The following MACROD2 variants were observed in gnomAD, a reference collection of about 807,000 sequenced individuals.
MACROD2 encodes mono-ADP ribosylhydrolase 2.
A neutral mutation model predicts 70.4 loss-of-function variants in MACROD2; 36 were observed. The ratio of observed to expected loss-of-function variants is 0.51; its 90% CI spans 0.39 to 0.68. The LOEUF (loss-of-function observed/expected upper bound fraction) is 0.68. Among genes scored for constraint, MACROD2 ranks in the 30% least tolerant of loss-of-function variants. MACROD2 has a pLI of 0.00. For synonymous variants in MACROD2, 172 were observed against 178.8 expected (o/e 0.96, Z 0.30); for missense variants, 496 against 538.4 (o/e 0.92, Z 0.78).
At chr20:14,417,066 CATCTATCT>C (rs11405633) in intron 3 of MACROD2, among the ~76,000 whole-genome samples, 14,249 of 132,492 alleles carry the variant, frequency 0.11, 748 homozygotes, top group Middle Eastern at 0.11. Context: ...ATCTATCTAT[CATCTATCT>C]ATCTATCTAT....
chr20:14,050,562 A>G (rs1276375881), intron 2 of MACROD2, among the ~76,000 whole-genome samples: 2 of 152,158 alleles, frequency 1.3e-5, no homozygotes, highest in Non-Finnish European at 2.9e-5. Context: ...AACACTATTC[A>G]CAAATTTGGC....
At position 14,327,584 on chromosome 20, in the gene MACROD2, C is replaced by T. The variant is rs1458190136; in HGVS notation, c.272-165895C>T. 9 of 1,455,894 alleles carry T rather than the reference C, an allele frequency of 6.2e-6. No homozygotes were observed. In the East Asian group the frequency reaches 1.4e-4, roughly 23 times the overall value. 90.2% of individuals were successfully genotyped at this position (1,455,894 alleles called of 1,614,324 possible). A position where few individuals can be genotyped will look rare whatever the true frequency, so the allele number is the denominator to read the frequency against. ...CTAAAATGAAGTGAGTAAAAAAAGA[C>T]AGAAAACAATAAGGCCAGCATACTG... is the stretch of plus-strand genomic sequence containing the variant. On this transcript the variant is annotated intron_variant, in intron 3 of 17. Coordinates refer to ENST00000684519, the MANE Select transcript of MACROD2 (RefSeq NM_001351661.2).
intron 3 of MACROD2, among the ~76,000 whole-genome samples, chr20:14,183,251 G>T (rs1303441941): frequency 6.6e-6 from 1 of 151,338 alleles, no homozygotes; most frequent in Non-Finnish European, 1.5e-5. Context: ...TCATCATTTA[G>T]CTCTCACTTA....
chr20:15,681,212 G>A (rs574653220), intron 8 of MACROD2, among the ~76,000 whole-genome samples: 2 of 152,338 alleles, frequency 1.3e-5, no homozygotes, highest in South Asian at 4.1e-4. Flanking sequence ...TTGACTTCAA[G>A]ATGGCTCATG....
chr20:14,819,577 C>T (rs1460874949), intron 5 of MACROD2, among the ~76,000 whole-genome samples: 1 of 151,968 alleles, frequency 6.6e-6, no homozygotes, highest in Admixed American at 6.6e-5. Context: ...AGCTATTAAA[C>T]AGATCAGTAC....
At chr20:15,602,512 T>A (rs1318851583) in intron 8 of MACROD2, among the ~76,000 whole-genome samples, 1 of 152,202 alleles carries the variant, frequency 6.6e-6, no homozygotes, top group Non-Finnish European at 1.5e-5. Flanking sequence ...GAACCCAAAC[T>A]TCAGTAGCTA....
chr20:14,761,110 T>G (rs1319915105), intron 5 of MACROD2, among the ~76,000 whole-genome samples: 1 of 152,100 alleles, frequency 6.6e-6, no homozygotes, highest in Non-Finnish European at 1.5e-5. Flanking sequence ...TCCTCCTTAT[T>G]GGACCCTTCC....
Position 14,720,795 on chromosome 20 carries a change from G to A in MACROD2, c.418+35836G>A, listed in dbSNP as rs954850235. On this transcript the variant is annotated intron_variant, in intron 5 of 17. Transcript: ENST00000684519. ...TCTCAATCTCATGACCTCGTGATCT[G>A]CCCTCCTCAGCCCCGCAATGTGCTG... 5.3e-5 allele frequency among the ~76,000 whole-genome samples: 8 copies of A among 151,572 alleles called. 1 individual carries two copies. The highest frequency in any genetic ancestry group is 1.9e-4 in the African/African-American group (8 of 41,250).
At chr20:15,131,450 A>G (rs1190659280) in intron 5 of MACROD2, among the ~76,000 whole-genome samples, 1 of 152,100 alleles carries the variant, frequency 6.6e-6, no homozygotes, top group Admixed American at 6.6e-5. Context: ...CCACAAGCTC[A>G]AAAGCAGAAA....
chr20:14,455,490 A>G (rs969263783), intron 3 of MACROD2, among the ~76,000 whole-genome samples: 1 of 151,848 alleles, frequency 6.6e-6, no homozygotes, highest in Non-Finnish European at 1.5e-5. Context: ...TATAAAGTCT[A>G]TATCTGTGCA....
chr20:14,861,999 ATATATTTATATATATATATT>A (rs1568838610), intron 5 of MACROD2, among the ~76,000 whole-genome samples: 3 of 46,724 alleles, frequency 6.4e-5, no homozygotes, highest in Admixed American at 4.2e-4. Context: ...ATATTTATAT[ATATATTTATATATATATATT>A]TATATATATT....
chr20:15,465,885 A>G (rs1447574611), intron 7 of MACROD2, among the ~76,000 whole-genome samples: 2 of 152,084 alleles, frequency 1.3e-5, no homozygotes, highest in African/African-American at 4.8e-5. Flanking sequence ...TACCATCCAT[A>G]TTTACTGAGC....
chr20:15,115,824 C>G (rs2075987842), intron 5 of MACROD2, among the ~76,000 whole-genome samples: 1 of 151,998 alleles, frequency 6.6e-6, no homozygotes, highest in Non-Finnish European at 1.5e-5. Context: ...ATAAAGAGTA[C>G]AGAATGGCTC....
chr20:15,832,662 G>A (rs929953265), intron 8 of MACROD2, among the ~76,000 whole-genome samples: 1 of 152,226 alleles, frequency 6.6e-6, no homozygotes, highest in African/African-American at 2.4e-5. Context: ...ACGGGGCCAT[G>A]TCACCAGGGA....
chr20:15,254,558 C>T (rs931456385), intron 6 of MACROD2, among the ~76,000 whole-genome samples: 1 of 152,100 alleles, frequency 6.6e-6, no homozygotes, highest in African/African-American at 2.4e-5. Flanking sequence ...GCTCCTATCT[C>T]AAGCAGTTTT....
intron 5 of MACROD2, among the ~76,000 whole-genome samples, chr20:14,848,836 G>T (rs2073169685): frequency 6.6e-6 from 1 of 152,036 alleles, no homozygotes; most frequent in Admixed American, 6.6e-5. Context: ...TTACCTCTTG[G>T]GAGAGTTTGT....
At chr20:14,943,367 T>C (rs2074405896) in intron 5 of MACROD2, among the ~76,000 whole-genome samples, 1 of 152,098 alleles carries the variant, frequency 6.6e-6, no homozygotes, top group African/African-American at 2.4e-5. Context: ...TTTTTTTTTT[T>C]CATTTTTTAC....
At chr20:15,682,962 A>G (rs1366351695) in intron 8 of MACROD2, among the ~76,000 whole-genome samples, 2 of 152,200 alleles carry the variant, frequency 1.3e-5, no homozygotes, top group East Asian at 3.9e-4. Context: ...CTCTGGTAGC[A>G]ATTTATTAAA....
At chr20:15,775,389 A>C (rs926735246) in intron 8 of MACROD2, among the ~76,000 whole-genome samples, 1 of 152,110 alleles carries the variant, frequency 6.6e-6, no homozygotes, top group Non-Finnish European at 1.5e-5. Flanking sequence ...CCAAAAAAGG[A>C]AGGGCAGCCT....
Sources: gnomAD v4.1 joint callset for allele counts (sites outside exome capture counted in the v4.1 genomes callset) on GRCh38, gnomAD v4.1.1 for gene constraint, MANE v1.5 for transcripts, NCBI Gene and HGNC (gene_info 2026-07-23, HGNC 2026-07-21) for gene names.